Variants in GLIS3 observed in about 807,000 individuals in gnomAD.
The protein encoded by GLIS3 is GLIS family zinc finger 3, also known as zinc finger protein GLIS3.
A neutral mutation model predicts 78.6 loss-of-function variants in GLIS3; 53 were observed. The ratio of observed to expected loss-of-function variants is 0.67; its 90% CI spans 0.54 to 0.85. The LOEUF (loss-of-function observed/expected upper bound fraction) is 0.85. Ranked by LOEUF, GLIS3 falls within the 40% of genes least tolerant of loss-of-function variation. The pLI is 0.00. For missense variants in GLIS3, 1,703 were observed against 1,231.1 expected (o/e 1.38, Z -5.74); for synonymous variants, 684 against 509.9 (o/e 1.34, Z -4.60).
the GLIS3 span, among the ~76,000 whole-genome samples, chr9:4,490,220 G>C: frequency 6.6e-6 from 1 of 152,248 alleles, no homozygotes; most frequent in Non-Finnish European, 1.5e-5. Context: ...TAGCATGAGT[G>C]AGGCGTGGAA....
chr9:4,300,515 T>C (rs1342976578), upstream of GLIS3, among the ~76,000 whole-genome samples: 2 of 152,056 alleles, frequency 1.3e-5, no homozygotes, highest in African/African-American at 4.8e-5. Context: ...CGAAACTGGA[T>C]AGGTGAAGCA....
At chr9:3,841,102 C>T (rs1203496245) in intron 9 of GLIS3, among the ~76,000 whole-genome samples, 1 of 152,130 alleles carries the variant, frequency 6.6e-6, no homozygotes, top group Non-Finnish European at 1.5e-5. Flanking sequence ...ATGCTTAAAG[C>T]ACTCTTGATT....
intron 9 of GLIS3, among the ~76,000 whole-genome samples, chr9:3,835,522 C>G (rs1005830451): frequency 6.6e-6 from 1 of 152,178 alleles, no homozygotes; most frequent in Non-Finnish European, 1.5e-5. Flanking sequence ...AGGCTAAGTG[C>G]TATAGTTTTT....
At chr9:4,331,162 C>T (rs1817679297) in intron 2 of GLIS3, among the ~76,000 whole-genome samples, 1 of 152,154 alleles carries the variant, frequency 6.6e-6, no homozygotes, top group Admixed American at 6.5e-5. Flanking sequence ...CAGGCCCACA[C>T]TCCCCCTGAA....
chr9:4,354,382 C>T, the GLIS3 span, among the ~76,000 whole-genome samples: 1 of 152,184 alleles, frequency 6.6e-6, no homozygotes, highest in East Asian at 1.9e-4. Context: ...TGTTAGCAGG[C>T]ATGGGGTCCC....
chr9:4,357,865 T>C, the GLIS3 span, among the ~76,000 whole-genome samples: 25 of 152,334 alleles, frequency 1.6e-4, no homozygotes, highest in Middle Eastern at 0.017. Flanking sequence ...ATGGTGCCTC[T>C]GAAGTGGACA....
chr9:3,835,391 T>G (rs1332036500), intron 9 of GLIS3, among the ~76,000 whole-genome samples: 1 of 152,182 alleles, frequency 6.6e-6, no homozygotes, highest in East Asian at 1.9e-4. Flanking sequence ...CTAGTCAGGC[T>G]TGGCAGGATC....
chr9:3,865,595 C>G (rs1203389338), intron 8 of GLIS3, among the ~76,000 whole-genome samples: 1 of 152,168 alleles, frequency 6.6e-6, no homozygotes, highest in Non-Finnish European at 1.5e-5. Flanking sequence ...TTGCTTCATG[C>G]TATTGTAATA....
chr9:4,171,252 G>T (rs549024862), intron 2 of GLIS3, among the ~76,000 whole-genome samples: 1 of 152,096 alleles, frequency 6.6e-6, no homozygotes, highest in African/African-American at 2.4e-5. Context: ...AAGATAAAAG[G>T]TTCTATTTAT....
chr9:4,418,553 G>C, the GLIS3 span, among the ~76,000 whole-genome samples: 1 of 152,146 alleles, frequency 6.6e-6, no homozygotes, highest in African/African-American at 2.4e-5. Context: ...ACAAAAATCA[G>C]CTGGGCGTAG....
At chr9:4,097,496 G>T (rs1054408373) in intron 4 of GLIS3, among the ~76,000 whole-genome samples, 2 of 152,064 alleles carry the variant, frequency 1.3e-5, no homozygotes, top group African/African-American at 2.4e-5. Flanking sequence ...GGCAGAGGAA[G>T]GGAGGAGGCA....
intron 2 of GLIS3, among the ~76,000 whole-genome samples, chr9:4,184,227 C>A (rs10758564): frequency 1.3e-5 from 2 of 152,008 alleles, no homozygotes; most frequent in African/African-American, 4.8e-5. Flanking sequence ...GGCTTAAGCA[C>A]AATTGTGGAT....
chr9:4,210,539 G>A (rs1052665116), intron 2 of GLIS3, among the ~76,000 whole-genome samples: 1 of 152,202 alleles, frequency 6.6e-6, no homozygotes, highest in African/African-American at 2.4e-5. Flanking sequence ...CTGCTAAGCA[G>A]CAATTTTTTT....
chr9:3,898,461 T>C (rs1433221435), intron 7 of GLIS3: 4 of 565,034 alleles, frequency 7.1e-6, no homozygotes, highest in Non-Finnish European at 3.2e-6. Flanking sequence ...CAGAAGTCCA[T>C]AACTAAAAGA....
At chr9:4,024,818 G>A (rs964586116) in intron 4 of GLIS3, among the ~76,000 whole-genome samples, 10 of 152,114 alleles carry the variant, frequency 6.6e-5, no homozygotes, top group African/African-American at 2.4e-4. Flanking sequence ...GTTTATCACA[G>A]ATATGACCAA....
chr9:3,855,710 G>A (rs1819735963), intron 9 of GLIS3: 1 of 394,250 alleles, frequency 2.5e-6, no homozygotes, highest in South Asian at 2.1e-5. Flanking sequence ...TTTCTCCATG[G>A]GCTGTCTATT....
At chr9:4,097,610 G>T (rs996080472) in intron 4 of GLIS3, among the ~76,000 whole-genome samples, 6 of 152,182 alleles carry the variant, frequency 3.9e-5, no homozygotes, top group Non-Finnish European at 8.8e-5. Context: ...TACCAGCTTC[G>T]CATACTGACC....
chr9:4,033,159 G>A (rs1267669702), intron 4 of GLIS3, among the ~76,000 whole-genome samples: 1 of 152,114 alleles, frequency 6.6e-6, no homozygotes, highest in African/African-American at 2.4e-5. Flanking sequence ...GGCTGGAATT[G>A]AGAATTCTTG....
the GLIS3 span, among the ~76,000 whole-genome samples, chr9:4,358,701 A>G: frequency 6.6e-6 from 1 of 152,218 alleles, no homozygotes; most frequent in Admixed American, 6.5e-5. Flanking sequence ...GCTCCAGAGG[A>G]ATGGGCACAC....
Sources: gnomAD v4.1 joint callset for allele counts (sites outside exome capture counted in the v4.1 genomes callset) on GRCh38, gnomAD v4.1.1 for gene constraint, MANE v1.5 for transcripts, NCBI Gene and HGNC (gene_info 2026-07-23, HGNC 2026-07-21) for gene names.